Variants in NDUFAF1 observed in about 807,000 individuals in gnomAD.
NDUFAF1 encodes the protein NADH:ubiquinone oxidoreductase complex assembly factor 1, also known as complex I intermediate-associated protein 30, mitochondrial.
In NDUFAF1, 18 loss-of-function variants were observed where a neutral mutation model predicts 28.7. That is an observed-to-expected ratio of 0.63 (90% confidence interval 0.43 to 0.93). The LOEUF (loss-of-function observed/expected upper bound fraction) is 0.93. NDUFAF1 is among the 40% of genes least tolerant of loss of function. The pLI, the probability that NDUFAF1 is intolerant of heterozygous loss-of-function variation, is 0.00. For synonymous variants in NDUFAF1, 113 were observed against 139.7 expected (o/e 0.81, Z 1.35); for missense variants, 404 against 398.3 (o/e 1.01, Z -0.12).
At chr15:41,389,911 C>A (rs1473188380) in intron 3 of NDUFAF1, among the ~76,000 whole-genome samples, 1 of 151,970 alleles carries the variant, frequency 6.6e-6, no homozygotes, top group Non-Finnish European at 1.5e-5. Context: ...GTAGAAAACT[C>A]TGAAAACAAT....
chr15:41,401,879 C>G (rs2050468200), intron 1 of NDUFAF1, among the ~76,000 whole-genome samples: 1 of 152,174 alleles, frequency 6.6e-6, no homozygotes. Context: ...GCCGGTTGCA[C>G]TTAAATGATT....
chr15:41,394,304 G>A, intron 3 of NDUFAF1: 3 of 1,260,074 alleles, frequency 2.4e-6, no homozygotes, highest in Non-Finnish European at 3.1e-6. Flanking sequence ...AAAGTGCTGG[G>A]ATTACAGGTG....
chr15:41,395,617 A>G (rs374953205), intron 2 of NDUFAF1, among the ~76,000 whole-genome samples: 90 of 136,420 alleles, frequency 6.6e-4, no homozygotes, highest in East Asian at 1.8e-3. Context: ...TGATCCGCCC[A>G]CCTTGGCCAC....
chr15:41,396,221 G>A (rs2050384602), intron 2 of NDUFAF1, among the ~76,000 whole-genome samples: 2 of 152,010 alleles, frequency 1.3e-5, no homozygotes, highest in Admixed American at 1.3e-4. Flanking sequence ...AACCTCTCAG[G>A]ATTCCTGAAA....
rs371878068 is a variant in NDUFAF1, at chr15:41,399,974, C to A, written c.-82+2170G>T. 1.7e-4 allele frequency among the ~76,000 whole-genome samples: 25 copies of A among 151,352 alleles called. No homozygotes were observed. The East Asian group carries it at 4.9e-3, about 29-fold the overall frequency. On this transcript the variant is annotated intron_variant, in intron 1 of 4. Coordinates refer to ENST00000260361, the MANE Select transcript of NDUFAF1 (RefSeq NM_016013.4). Reference sequence around the variant, plus strand: ...ACTCGGGAGGCTGAAGCAGGAAAATCGCTTGAACCCAGGAGTGGGACGCTG... The same window carrying A: ...ACTCGGGAGGCTGAAGCAGGAAAATAGCTTGAACCCAGGAGTGGGACGCTG...
chr15:41,402,090 C>T, intron 1 of NDUFAF1, 54 bp downstream of exon 1: 2 of 397,608 alleles, frequency 5.0e-6, no homozygotes, highest in South Asian at 1.7e-5. Context: ...GTTTTGACAA[C>T]ACAATCCACG....
intron 1 of NDUFAF1, among the ~76,000 whole-genome samples, chr15:41,400,974 T>A (rs565129834): frequency 0.042 from 6,188 of 147,572 alleles, 234 homozygotes; most frequent in African/African-American, 0.1. Context: ...TATCAATACT[T>A]TTTTTTTTTT....
chr15:41,395,669 CTTTTTTTTTTTT>C (rs11318328), intron 2 of NDUFAF1, among the ~76,000 whole-genome samples: 1 of 63,158 alleles, frequency 1.6e-5, no homozygotes, highest in African/African-American at 6.7e-5. Flanking sequence ...TGCGCCCGGC[CTTTTTTTTTTTT>C]TTTTTTTTTT....
At chr15:41,397,528 G>T (rs1176382671) in intron 1 of NDUFAF1, among the ~76,000 whole-genome samples, 1 of 152,082 alleles carries the variant, frequency 6.6e-6, no homozygotes, top group East Asian at 1.9e-4. Context: ...GGCCGGGCGC[G>T]GTGGCTGACG....
intron 2 of NDUFAF1, among the ~76,000 whole-genome samples, chr15:41,395,369 C>T (rs1372048165): frequency 1.3e-5 from 2 of 149,282 alleles, no homozygotes; most frequent in Non-Finnish European, 3.0e-5. Flanking sequence ...CTTTTCTTTT[C>T]TTTTCTTTTT....
At chr15:41,401,262 C>T (rs2050458724) in intron 1 of NDUFAF1, among the ~76,000 whole-genome samples, 1 of 146,358 alleles carries the variant, frequency 6.8e-6, no homozygotes, top group Admixed American at 7.0e-5. Flanking sequence ...GCCACGGCGC[C>T]CAACCTTTTT....
At chr15:41,390,191 A>G (rs2050299661) in intron 3 of NDUFAF1, among the ~76,000 whole-genome samples, 1 of 152,100 alleles carries the variant, frequency 6.6e-6, no homozygotes, top group Admixed American at 6.6e-5. Flanking sequence ...TTAGACTCCT[A>G]GCTTCAAATG....
chr15:41,389,249 ATTTTT>A (rs749169325), intron 3 of NDUFAF1, among the ~76,000 whole-genome samples: 1 of 117,146 alleles, frequency 8.5e-6, no homozygotes. Context: ...CACCCGGCTA[ATTTTT>A]TTTTTTTTTT....
chr15:41,392,133 C>T (rs1207155162), intron 3 of NDUFAF1, among the ~76,000 whole-genome samples: 1 of 144,318 alleles, frequency 6.9e-6, no homozygotes, highest in Non-Finnish European at 1.5e-5. Flanking sequence ...AGTACAGTGG[C>T]GCGATCTTGG....
chr15:41,394,185 C>T (rs1328905521), intron 3 of NDUFAF1: 4 of 458,348 alleles, frequency 8.7e-6, no homozygotes, highest in East Asian at 7.0e-5. Flanking sequence ...TGCGCCACCA[C>T]GCCCAGCTAA....
intron 1 of NDUFAF1, among the ~76,000 whole-genome samples, chr15:41,398,586 T>C (rs2050421780): frequency 6.6e-6 from 1 of 152,000 alleles, no homozygotes; most frequent in South Asian, 2.1e-4. Context: ...GGCCCTGGAC[T>C]GAAATGATTC....
At chr15:41,392,602 TCA>T (rs1374397679) in intron 3 of NDUFAF1, among the ~76,000 whole-genome samples, 1 of 152,156 alleles carries the variant, frequency 6.6e-6, no homozygotes, top group East Asian at 1.9e-4. Context: ...CATTCGGCTC[TCA>T]TTCTCTTTCC....
chr15:41,393,121 GTTTTTT>G (rs763641971), intron 3 of NDUFAF1, among the ~76,000 whole-genome samples: 1 of 123,962 alleles, frequency 8.1e-6, no homozygotes, highest in Non-Finnish European at 1.7e-5. Flanking sequence ...TTCTTGTTGA[GTTTTTT>G]TTTTTTTTTT....
chr15:41,401,434 CTT>C (rs748339568), intron 1 of NDUFAF1, among the ~76,000 whole-genome samples: 5,839 of 138,334 alleles, frequency 0.042, 231 homozygotes, highest in African/African-American at 0.1. Flanking sequence ...CCATGCCCAA[CTT>C]TTTTTTTTTT....
Sources: gnomAD v4.1 joint callset for allele counts (sites outside exome capture counted in the v4.1 genomes callset) on GRCh38, gnomAD v4.1.1 for gene constraint, MANE v1.5 for transcripts, NCBI Gene and HGNC (gene_info 2026-07-23, HGNC 2026-07-21) for gene names.